Variants in FMN1 observed in about 807,000 individuals in gnomAD.
The protein encoded by FMN1 is formin-1.
FMN1 carries 110 observed loss-of-function variants against 132.4 expected under a neutral mutation model. That is an observed-to-expected ratio of 0.83 (90% CI 0.71 to 0.97). FMN1 has a LOEUF of 0.97. Among genes scored for constraint, FMN1 ranks in the 50% least tolerant of loss-of-function variants. The pLI, the probability that FMN1 is intolerant of heterozygous loss-of-function variation, is 0.00. For synonymous variants in FMN1, 722 were observed against 651.7 expected, an observed-to-expected ratio of 1.11 and a Z score of -1.64; for missense variants, 1,792 against 1,705.3, an observed-to-expected ratio of 1.05 and a Z score of -0.90.
intron 17 of FMN1, among the ~76,000 whole-genome samples, chr15:32,830,636 G>C (rs776661533): frequency 1.2e-4 from 19 of 152,134 alleles, no homozygotes; most frequent in Non-Finnish European, 2.2e-4. Flanking sequence ...TCTCGTATCA[G>C]CTAAGTAATT....
chr15:32,785,161 CGTGTGTGTGTGTGTGTGTGTGT>C (rs1178285469), intron 19 of FMN1, among the ~76,000 whole-genome samples: 2 of 51,616 alleles, frequency 3.9e-5, no homozygotes, highest in Admixed American at 2.9e-4. Context: ...TGTATACGTA[CGTGTGTGTGTGTGTGTGTGTGT>C]GTGTGTGTGT....
In FMN1 at chr15:33,051,836, G is replaced by A. The variant is rs549006986; in HGVS notation, c.2161+13121C>T. 1.8e-4 allele frequency among the ~76,000 whole-genome samples: 27 copies of A among 152,260 alleles called. No homozygotes were observed. In the East Asian group the frequency reaches 4.6e-3, roughly 26 times the overall value. ...TCCGGGGAGAAGGACGCAAGACCCC[G>A]GAAGCATACCAACATATAAAACCCC... On this transcript the variant is annotated intron_variant, in intron 6 of 20. Transcript: ENST00000616417.
At chr15:33,023,055 C>A (rs1018633284) in intron 6 of FMN1, among the ~76,000 whole-genome samples, 3 of 88,132 alleles carry the variant, frequency 3.4e-5, no homozygotes, top group Admixed American at 1.5e-4. Flanking sequence ...CCCCCTCCCC[C>A]ACCCAAAAAA....
chr15:33,186,407 G>A lies in FMN1; in HGVS notation c.-196-6145C>T, dbSNP rs78412648. On this transcript the variant is annotated intron_variant, in intron 2 of 20. Coordinates refer to ENST00000616417, the MANE Select transcript of FMN1 (RefSeq NM_001277313.2). ...CTCAAATAGAAAAGTGTTTAGCCTC[G>A]AAAATCCTACATATTTCTGACTGTT... Among the ~76,000 whole-genome samples, 1,497 of 151,794 alleles carry A rather than the reference G, an allele frequency of 9.9e-3. 61 individuals are homozygous for A. In the East Asian group the frequency reaches 0.12, roughly 12 times the overall value.
intron 4 of FMN1, among the ~76,000 whole-genome samples, chr15:33,142,086 G>C (rs1480075341): frequency 6.6e-6 from 1 of 152,140 alleles, no homozygotes; most frequent in African/African-American, 2.4e-5. Flanking sequence ...AATCTAATCT[G>C]TCAATAATGC....
chr15:33,084,172 T>G (rs2038600365), intron 5 of FMN1, among the ~76,000 whole-genome samples: 1 of 152,218 alleles, frequency 6.6e-6, no homozygotes, highest in Non-Finnish European at 1.5e-5. Flanking sequence ...GTAGCTATTC[T>G]TTTATTCCTT....
chr15:32,888,414 C>G (rs2059945609), intron 15 of FMN1, 122 bp from the exon 16 acceptor site: 1 of 790,196 alleles, frequency 1.3e-6, no homozygotes. Context: ...AGAATCATAG[C>G]AATGCTCCTC....
At chr15:32,940,888 C>A (rs2061387231) in intron 9 of FMN1, among the ~76,000 whole-genome samples, 1 of 152,148 alleles carries the variant, frequency 6.6e-6, no homozygotes, top group Non-Finnish European at 1.5e-5. Context: ...TTCACAAAAC[C>A]ATGAGGTCAG....
At chr15:32,964,355 T>C (rs913269110) in intron 8 of FMN1, 98 bp from the exon 9 acceptor site, 1 of 929,732 alleles carries the variant, frequency 1.1e-6, no homozygotes, top group Non-Finnish European at 1.6e-6. Flanking sequence ...ATTTCATTTT[T>C]CTAAAAAAAC....
At chr15:33,016,418 T>G (rs550789662) in intron 6 of FMN1, among the ~76,000 whole-genome samples, 1 of 152,362 alleles carries the variant, frequency 6.6e-6, no homozygotes, top group African/African-American at 2.4e-5. Flanking sequence ...CAGCCTGGTC[T>G]TGGGGCCCTG....
At chr15:33,064,126 T>C in intron 6 of FMN1, 1 of 152,322 alleles carries the variant, frequency 6.6e-6, no homozygotes, top group Non-Finnish European at 1.5e-5. Flanking sequence ...TGTTCATGTC[T>C]ATCAATGAAC....
chr15:33,045,486 T>A (rs150878908), intron 6 of FMN1, among the ~76,000 whole-genome samples: 1 of 152,212 alleles, frequency 6.6e-6, no homozygotes, highest in Non-Finnish European at 1.5e-5. Context: ...CTTGTCTCCT[T>A]TGATCTCTCA....
chr15:33,051,888 A>G (rs1338405077), intron 6 of FMN1, among the ~76,000 whole-genome samples: 1 of 152,144 alleles, frequency 6.6e-6, no homozygotes, highest in Non-Finnish European at 1.5e-5. Context: ...ACTGCACTTG[A>G]TCTCTCAAGT....
At chr15:33,138,397 T>C (rs1410511834) in intron 4 of FMN1, among the ~76,000 whole-genome samples, 1 of 152,166 alleles carries the variant, frequency 6.6e-6, no homozygotes, top group Non-Finnish European at 1.5e-5. Flanking sequence ...GCTAATGCAA[T>C]GTGGCCTATG....
chr15:32,812,746 T>C (rs1175304731), intron 17 of FMN1, among the ~76,000 whole-genome samples: 1 of 152,256 alleles, frequency 6.6e-6, no homozygotes, highest in Non-Finnish European at 1.5e-5. Flanking sequence ...TCTAGTACGA[T>C]GATATTCGTA....
rs980019307 is a variant in FMN1 at position 32,820,305 on chromosome 15, C to T, written c.3929-15973G>A. 9.9e-5 allele frequency among the ~76,000 whole-genome samples: 15 copies of T among 152,222 alleles called. No homozygotes were observed. In the East Asian group the frequency reaches 1.3e-3, roughly 14 times the overall value. ...AAAGCGGGCTCAACCTGAAACTTTGCGTTAACAGACAGGCCACTTTTTCTT... is the reference window on the plus strand; with the variant it reads ...AAAGCGGGCTCAACCTGAAACTTTGTGTTAACAGACAGGCCACTTTTTCTT... On this transcript the variant is annotated intron_variant, in intron 17 of 20. Transcript: ENST00000616417.
At chr15:32,949,940 CATATAT>C (rs373896522) in intron 9 of FMN1, among the ~76,000 whole-genome samples, 15 of 31,784 alleles carry the variant, frequency 4.7e-4, no homozygotes, top group South Asian at 1.1e-3. Flanking sequence ...GGCCAAAAAG[CATATAT>C]ATATATATAT....
At chr15:33,090,734 C>T (rs1015925527) in intron 4 of FMN1, among the ~76,000 whole-genome samples, 6 of 152,152 alleles carry the variant, frequency 3.9e-5, no homozygotes, top group African/African-American at 1.2e-4. Flanking sequence ...GAGTGACCCA[C>T]TTCTAGTCTC....
chr15:32,842,038 G>A (rs1411358124), intron 17 of FMN1, among the ~76,000 whole-genome samples: 3 of 152,192 alleles, frequency 2.0e-5, no homozygotes, highest in African/African-American at 7.2e-5. Context: ...TGTTTGTGCT[G>A]TTCTCTAGTT....
Sources: allele counts gnomAD v4.1 joint callset (sites outside exome capture counted in the v4.1 genomes callset), GRCh38; gene constraint gnomAD v4.1.1; transcripts MANE v1.5; gene names NCBI Gene and HGNC (gene_info 2026-07-23, HGNC 2026-07-21).